The following PAGE2B variants were observed in gnomAD, a reference collection of about 807,000 sequenced individuals.
The protein encoded by PAGE2B is putative G antigen family E member 3.
Under a neutral mutation model 7.6 loss-of-function variants are expected in PAGE2B, and 5 were observed. The ratio of observed to expected loss-of-function variants is 0.66; its 90% CI spans 0.34 to 1.38. The LOEUF is 1.38. Among genes scored for constraint, PAGE2B ranks in the 40% most tolerant of loss-of-function variants. The probability of loss-of-function intolerance (pLI) is 0.04; values close to 1 mark genes in which losing one functional copy is unlikely to be tolerated. For synonymous variants in PAGE2B, 29 were observed against 26.7 expected, an observed-to-expected ratio of 1.09 and a Z score of -0.27; for missense variants, 70 against 78.4, an observed-to-expected ratio of 0.89 and a Z score of 0.41.
chrX:55,028,729 C>A, the PAGE2B span, among the ~76,000 whole-genome samples: 1 of 111,882 alleles, frequency 8.9e-6, no homozygotes, highest in Non-Finnish European at 1.9e-5. Context: ...CATCATTATA[C>A]CCATGACCTT....
chrX:55,044,187 GC>G, the PAGE2B span, among the ~76,000 whole-genome samples: 1 of 109,989 alleles, frequency 9.1e-6, no homozygotes, highest in East Asian at 2.9e-4. Flanking sequence ...AATGTTTATA[GC>G]AGCACAATCA....
chrX:55,039,450 AG>A, the PAGE2B span, among the ~76,000 whole-genome samples: 6 of 110,176 alleles, frequency 5.4e-5, no homozygotes, highest in African/African-American at 2.0e-4. Context: ...TACATACCAA[AG>A]AATACTGTTC....
At chrX:55,060,128 A>C in the PAGE2B span, among the ~76,000 whole-genome samples, 1 of 111,559 alleles carries the variant, frequency 9.0e-6, no homozygotes, top group Non-Finnish European at 1.9e-5. Flanking sequence ...TGACATAGTG[A>C]CTTTACTTCC....
chrX:55,035,765 CTACTT>C, the PAGE2B span, among the ~76,000 whole-genome samples: 2 of 112,127 alleles, frequency 1.8e-5, no homozygotes, highest in African/African-American at 6.5e-5. Context: ...CTGATAATAT[CTACTT>C]TATAGTGTTT....
At chrX:55,030,963 G>T in the PAGE2B span, 2 of 340,362 alleles carry the variant, frequency 5.9e-6, no homozygotes, top group Non-Finnish European at 1.2e-5. Flanking sequence ...CACTGAGGAC[G>T]AACGAATGAC....
the PAGE2B span, among the ~76,000 whole-genome samples, chrX:55,049,428 T>C: frequency 3.6e-5 from 4 of 111,667 alleles, no homozygotes; most frequent in Non-Finnish European, 5.6e-5. Context: ...TGTGAATCCA[T>C]CTGGTCCTGG....
the PAGE2B span, among the ~76,000 whole-genome samples, chrX:55,061,770 T>A: frequency 9.0e-6 from 1 of 111,514 alleles, no homozygotes; most frequent in Non-Finnish European, 1.9e-5. Flanking sequence ...TAGCCTCTGG[T>A]TACCACCCTT....
chrX:55,075,998 A>G (rs774632901), intron 1 of PAGE2B, 36 bp from the exon 2 acceptor site: 1 of 1,150,151 alleles, frequency 8.7e-7, no homozygotes, highest in Non-Finnish European at 1.2e-6. Flanking sequence ...CTAAGTTCTT[A>G]TACACTTTTT....
chrX:55,041,052 T>C, the PAGE2B span, among the ~76,000 whole-genome samples: 1 of 109,658 alleles, frequency 9.1e-6, no homozygotes, highest in Non-Finnish European at 1.9e-5. Flanking sequence ...AGTGTTACAC[T>C]TAGCATTAGT....
At chrX:55,076,161 C>G in intron 2 of PAGE2B, 36 bp downstream of exon 2, 1 of 1,176,471 alleles carries the variant, frequency 8.5e-7, no homozygotes, top group East Asian at 3.0e-5. Context: ...CCTATTAACA[C>G]AATTTATTTT....
the PAGE2B span, among the ~76,000 whole-genome samples, chrX:55,054,217 CA>C: frequency 2.5e-3 from 265 of 107,491 alleles, no homozygotes; most frequent in African/African-American, 8.7e-3. Flanking sequence ...TTAAAAAAAA[CA>C]AAAAAAAACA....
chrX:55,035,876 T>C, the PAGE2B span, among the ~76,000 whole-genome samples: 3 of 112,130 alleles, frequency 2.7e-5, no homozygotes, highest in Non-Finnish European at 5.6e-5. Flanking sequence ...ATTGAATCTA[T>C]AAATTACCTT....
chrX:55,048,567 A>G, the PAGE2B span, among the ~76,000 whole-genome samples: 1 of 111,534 alleles, frequency 9.0e-6, no homozygotes, highest in Non-Finnish European at 1.9e-5. Flanking sequence ...CTTTGAAGCA[A>G]TTGTGAATGG....
intron 2 of PAGE2B, 57 bp from the exon 3 acceptor site, chrX:55,076,512 T>C (rs1936520830): frequency 2.0e-6 from 2 of 1,021,076 alleles, no homozygotes; most frequent in African/African-American, 1.9e-5. Context: ...GATGCACATA[T>C]GCATTTGTGT....
At chrX:55,063,744 T>A in the PAGE2B span, among the ~76,000 whole-genome samples, 11 of 111,521 alleles carry the variant, frequency 9.9e-5, no homozygotes, top group African/African-American at 3.6e-4. Context: ...TATCCAGTTT[T>A]TTGAGGGTTT....
the PAGE2B span, among the ~76,000 whole-genome samples, chrX:55,036,523 T>G: frequency 9.0e-6 from 1 of 111,325 alleles, no homozygotes; most frequent in Admixed American, 9.6e-5. Context: ...GTTGTTGAAT[T>G]TTGTCAAAGG....
At chrX:55,040,749 C>T in the PAGE2B span, among the ~76,000 whole-genome samples, 1 of 111,392 alleles carries the variant, frequency 9.0e-6, no homozygotes, top group Non-Finnish European at 1.9e-5. Context: ...AGTTGTACAA[C>T]AATGTGATTG....
At chrX:55,056,889 CAG>C in the PAGE2B span, among the ~76,000 whole-genome samples, 4 of 111,450 alleles carry the variant, frequency 3.6e-5, no homozygotes, top group Non-Finnish European at 7.5e-5. Context: ...ATTCTAGAAA[CAG>C]AGAGAGGCAG....
At chrX:55,036,008 T>C in the PAGE2B span, among the ~76,000 whole-genome samples, 1 of 111,973 alleles carries the variant, frequency 8.9e-6, no homozygotes, top group Non-Finnish European at 1.9e-5. Context: ...CTTGAAGAAG[T>C]CCTTCACATC....
Sources: allele counts gnomAD v4.1 joint callset (sites outside exome capture counted in the v4.1 genomes callset), GRCh38; gene constraint gnomAD v4.1.1; transcripts MANE v1.5; gene names NCBI Gene and HGNC (gene_info 2026-07-23, HGNC 2026-07-21).